Variants in ADAM23 observed in about 807,000 individuals in gnomAD.
ADAM23 encodes ADAM metallopeptidase domain 23, also known as disintegrin and metalloproteinase domain-containing protein 23.
ADAM23 carries 33 observed loss-of-function variants against 120.1 expected under a neutral mutation model. That is an observed-to-expected ratio of 0.27 (90% CI 0.21 to 0.37). The LOEUF (loss-of-function observed/expected upper bound fraction) is 0.37, where lower values mean the gene tolerates loss of function less well. ADAM23 is among the 10% of genes least tolerant of loss of function. ADAM23 has a pLI of 1.00. For missense variants in ADAM23, 862 were observed against 1,058.2 expected, an observed-to-expected ratio of 0.81 and a Z score of 2.57; for synonymous variants, 367 against 375.2, an observed-to-expected ratio of 0.98 and a Z score of 0.25.
intron 9 of ADAM23, among the ~76,000 whole-genome samples, chr2:206,554,351 T>G (rs888352155): frequency 6.6e-6 from 1 of 152,160 alleles, no homozygotes; most frequent in Non-Finnish European, 1.5e-5. Context: ...TTGAGCTGCT[T>G]AAGTTAAAAA....
chr2:206,553,154 G>A (rs984731792), intron 9 of ADAM23, among the ~76,000 whole-genome samples: 21 of 152,258 alleles, frequency 1.4e-4, no homozygotes, highest in Non-Finnish European at 2.6e-4. Flanking sequence ...AAGGCGTGTG[G>A]ATCACTTGAG....
At chr2:206,543,041 T>C (rs1697324716) in intron 5 of ADAM23, among the ~76,000 whole-genome samples, 1 of 152,200 alleles carries the variant, frequency 6.6e-6, no homozygotes, top group Admixed American at 6.5e-5. Context: ...ATGTATACTT[T>C]TATAATTTTT....
chr2:206,459,818 C>T (rs541921059), intron 2 of ADAM23, among the ~76,000 whole-genome samples: 1 of 152,282 alleles, frequency 6.6e-6, no homozygotes, highest in South Asian at 2.1e-4. Context: ...AACCTTTTGC[C>T]TTCTCTTCCT....
At chr2:206,451,831 T>C (rs1288864008) in intron 2 of ADAM23, among the ~76,000 whole-genome samples, 1 of 152,110 alleles carries the variant, frequency 6.6e-6, no homozygotes, top group Non-Finnish European at 1.5e-5. Flanking sequence ...AAACTGTAAG[T>C]CCTAGGAAGT....
intron 9 of ADAM23, among the ~76,000 whole-genome samples, chr2:206,550,870 G>A (rs1286394407): frequency 1.3e-5 from 2 of 152,068 alleles, no homozygotes; most frequent in Non-Finnish European, 2.9e-5. Context: ...CAAAGTGCTG[G>A]GATTACAGGC....
intron 2 of ADAM23, among the ~76,000 whole-genome samples, 176 bp downstream of exon 2, chr2:206,445,700 CTGT>C (rs1217305738): frequency 2.0e-5 from 3 of 152,154 alleles, no homozygotes; most frequent in Non-Finnish European, 4.4e-5. Flanking sequence ...TGGGATAAGA[CTGT>C]TGTTTCTCTT....
intron 2 of ADAM23, among the ~76,000 whole-genome samples, chr2:206,475,696 C>T (rs1194337574): frequency 1.3e-5 from 2 of 151,880 alleles, no homozygotes; most frequent in Non-Finnish European, 2.9e-5. Context: ...ATCAAATTAG[C>T]GAATTTTCCT....
intron 21 of ADAM23, among the ~76,000 whole-genome samples, chr2:206,590,254 T>C (rs1290908153): frequency 6.6e-6 from 1 of 152,060 alleles, no homozygotes; most frequent in Non-Finnish European, 1.5e-5. Context: ...TCTGCCACCA[T>C]GCCCGGCTAC....
intron 19 of ADAM23, 79 bp from the exon 20 acceptor site, chr2:206,588,012 C>A: frequency 6.8e-7 from 1 of 1,460,082 alleles, no homozygotes; most frequent in South Asian, 1.2e-5. Context: ...CCAAGTGAAC[C>A]AGAAGGAGAC....
intron 3 of ADAM23, among the ~76,000 whole-genome samples, chr2:206,518,622 G>A (rs896911475): frequency 6.6e-6 from 1 of 152,210 alleles, no homozygotes; most frequent in African/African-American, 2.4e-5. Context: ...TAATGCAACT[G>A]TGGCTTTAGC....
chr2:206,466,715 T>C (rs1695548354), intron 2 of ADAM23, among the ~76,000 whole-genome samples: 1 of 152,212 alleles, frequency 6.6e-6, no homozygotes, highest in African/African-American at 2.4e-5. Flanking sequence ...TACCTGAGAC[T>C]GGGTAATGTG....
chr2:206,481,565 A>G (rs937901325), intron 3 of ADAM23, among the ~76,000 whole-genome samples: 2 of 152,162 alleles, frequency 1.3e-5, no homozygotes, highest in South Asian at 2.1e-4. Context: ...GAAGTAATCC[A>G]GTTAATTAAA....
Position 206,443,889 on chromosome 2 carries a change from C to T in ADAM23, c.23C>T (p.Ser8Leu), listed in dbSNP as rs1393967606. Residue 8 changes from serine (S) to leucine (L), a missense_variant, in exon 1 of 26, where the codon TCG becomes TTG. Ser to Leu is a moderately radical substitution (Grantham distance 145, BLOSUM62 -2). Transcript: ENST00000264377. ...GCCATGAAGCCGCCCGGCAGCAGCT[C>T]GCGGCAGCCGCCCCTGGCGGGCTGC... MKPPGSS[S>L]RQPPLAGCSL... 8.6e-7 allele frequency: 1 copy of T among 1,164,508 alleles called. No individual in the cohort carries two copies. 72.1% of individuals were successfully genotyped at this position (1,164,508 alleles called of 1,614,324 possible).
chr2:206,447,723 G>T (rs1947200), intron 2 of ADAM23, among the ~76,000 whole-genome samples: 45,218 of 152,118 alleles, frequency 0.3, 6,777 homozygotes, highest in South Asian at 0.32. Flanking sequence ...CTGCTTTTAT[G>T]TAAAGAAGTT....
chr2:206,452,264 A>G (rs921104565), intron 2 of ADAM23, among the ~76,000 whole-genome samples: 4 of 152,226 alleles, frequency 2.6e-5, no homozygotes, highest in Non-Finnish European at 4.4e-5. Context: ...TCTCTTCCAT[A>G]AAGTCTAGAC....
Position 206,514,488 on chromosome 2 carries a change from C to T in ADAM23, c.510-16397C>T, listed in dbSNP as rs187785444. Among the ~76,000 whole-genome samples the T allele has an allele frequency of 2.4e-3, 369 of 152,282 alleles. 3 individuals are homozygous for T. Among genetic ancestry groups the T allele is most frequent in the South Asian group, 4.6e-3 (22 of 4,828 alleles). On this transcript the variant is annotated intron_variant, in intron 3 of 25. Coordinates refer to ENST00000264377, the MANE Select transcript of ADAM23 (RefSeq NM_003812.4). Reference sequence around the variant, plus strand: ...GAACTGCTGCAATCTCATGATAAGACTTGAATGGATGAAGAGTTACTTAAG... The same window carrying T: ...GAACTGCTGCAATCTCATGATAAGATTTGAATGGATGAAGAGTTACTTAAG...
intron 3 of ADAM23, among the ~76,000 whole-genome samples, chr2:206,507,095 T>C (rs1160310628): frequency 6.6e-6 from 1 of 152,216 alleles, no homozygotes; most frequent in Non-Finnish European, 1.5e-5. Context: ...TAGTGAGATA[T>C]AAATGCAGGG....
At chr2:206,508,672 A>C (rs1415470800) in intron 3 of ADAM23, among the ~76,000 whole-genome samples, 1 of 147,220 alleles carries the variant, frequency 6.8e-6, no homozygotes, top group Admixed American at 6.9e-5. Context: ...AAAAAAAAAA[A>C]GAAAGAAAAA....
intron 3 of ADAM23, among the ~76,000 whole-genome samples, chr2:206,499,150 G>A (rs7596250): frequency 0.82 from 124,638 of 151,242 alleles, 51,818 homozygotes; most frequent in African/African-American, 0.93. Context: ...TACTGGGTAT[G>A]TACCCAAAGG....
Sources: gnomAD v4.1 joint callset for allele counts (sites outside exome capture counted in the v4.1 genomes callset) on GRCh38, gnomAD v4.1.1 for gene constraint, MANE v1.5 for transcripts, NCBI Gene and HGNC (gene_info 2026-07-23, HGNC 2026-07-21) for gene names.